KANSL1: variants seen among roughly 807,000 people sequenced by gnomAD.
KANSL1 encodes MLL1/MLL complex subunit KANSL1.
In KANSL1, 22 loss-of-function variants were observed where a neutral mutation model predicts 103.6. The observed-to-expected ratio is 0.21, with a 90% CI of 0.15 to 0.30. The LOEUF is 0.30. KANSL1 is among the 10% of genes least tolerant of loss of function. The pLI, the probability that KANSL1 is intolerant of heterozygous loss-of-function variation, is 1.00. For synonymous variants in KANSL1, 600 were observed against 527.6 expected (o/e 1.14, Z -1.88); for missense variants, 1,337 against 1,399.8 (o/e 0.96, Z 0.72).
intron 2 of KANSL1, among the ~76,000 whole-genome samples, chr17:46,158,901 C>A (rs2045581302): frequency 6.6e-6 from 1 of 152,218 alleles, no homozygotes; most frequent in Non-Finnish European, 1.5e-5. Context: ...AAAAAGATAC[C>A]CATCTGTTAC....
chr17:46,154,342 C>A (rs1597819585), intron 2 of KANSL1, among the ~76,000 whole-genome samples: 1 of 152,264 alleles, frequency 6.6e-6, no homozygotes. Context: ...AGAATTTCTA[C>A]TTGCAATGCT....
At chr17:46,185,863 CT>C (rs1352954364) in intron 1 of KANSL1, among the ~76,000 whole-genome samples, 6 of 151,902 alleles carry the variant, frequency 3.9e-5, no homozygotes, top group African/African-American at 7.3e-5. Context: ...CTCAAGAAAA[CT>C]TTTTTTTCTG....
chr17:46,033,216 T>TC (rs756512756), intron 12 of KANSL1, 24 bp from the exon 13 acceptor site: 1 of 1,549,602 alleles, frequency 6.5e-7, no homozygotes. Context: ...GCTTCATCGA[T>TC]CCCCTCTTTT....
chr17:46,031,965 A>C, intron 14 of KANSL1, 82 bp downstream of exon 14: 8 of 1,575,976 alleles, frequency 5.1e-6, no homozygotes, highest in Non-Finnish European at 7.0e-6. Flanking sequence ...GGGGATGGCT[A>C]GGTCCCTCTT....
At chr17:46,170,766 G>A (rs2046241215) in intron 2 of KANSL1, 89 bp downstream of exon 2, 1 of 1,383,176 alleles carries the variant, frequency 7.2e-7, no homozygotes, top group Non-Finnish European at 9.8e-7. Context: ...TATGTACAAA[G>A]AATCACATTC....
intron 1 of KANSL1, chr17:46,222,370 C>T (rs1748445724): frequency 6.6e-6 from 1 of 150,888 alleles, no homozygotes; most frequent in Admixed American, 6.7e-5. Flanking sequence ...TCTCAATCCC[C>T]TTGCCTGCTT....
chr17:46,089,168 A>C (rs1019847801), intron 3 of KANSL1, among the ~76,000 whole-genome samples: 1 of 152,216 alleles, frequency 6.6e-6, no homozygotes, highest in African/African-American at 2.4e-5. Context: ...TAAAGCATGG[A>C]AGAGTTTCTT....
At chr17:46,073,426 C>G (rs1468522814) in intron 4 of KANSL1, among the ~76,000 whole-genome samples, 1 of 151,942 alleles carries the variant, frequency 6.6e-6, no homozygotes, top group East Asian at 1.9e-4. Flanking sequence ...AACGTCAAAT[C>G]TAGTATTTTA....
intron 4 of KANSL1, among the ~76,000 whole-genome samples, chr17:46,073,790 T>G (rs12150558): frequency 6.6e-6 from 1 of 152,094 alleles, no homozygotes; most frequent in Non-Finnish European, 1.5e-5. Context: ...TTTGACTGCA[T>G]AACAGTTAAC....
chr17:46,066,143 C>T (rs1250420508), intron 6 of KANSL1, among the ~76,000 whole-genome samples: 1 of 152,206 alleles, frequency 6.6e-6, no homozygotes. Context: ...CAGGCATGAG[C>T]CACTGCACAT....
rs190142867 is a variant in KANSL1 at position 46,032,308 on chromosome 17, C to A, written c.2838-9G>T. 72 of 1,497,372 alleles carry A rather than the reference C, an allele frequency of 4.8e-5. 1 individual carries two copies. In the East Asian group the frequency reaches 1.6e-3, roughly 34 times the overall value. 92.8% of individuals were successfully genotyped at this position (1,497,372 alleles called of 1,614,324 possible). On this transcript the variant is annotated splice_polypyrimidine_tract_variant and intron_variant, in intron 13 of 14. Transcript: ENST00000432791. The stretch of plus-strand genomic sequence containing the variant: ...CTGATGACCTGTAGGACCTGCACAC[C>A]AAGGAATGCAAATCTGAGTGCCTGG...
chr17:46,185,344 T>C (rs959852533), intron 1 of KANSL1, among the ~76,000 whole-genome samples: 1 of 152,208 alleles, frequency 6.6e-6, no homozygotes, highest in Non-Finnish European at 1.5e-5. Context: ...TAGGATAGGC[T>C]TCACCCACTA....
At chr17:46,141,469 A>G (rs1307643315) in intron 2 of KANSL1, among the ~76,000 whole-genome samples, 5 of 152,264 alleles carry the variant, frequency 3.3e-5, no homozygotes, top group Non-Finnish European at 7.3e-5. Context: ...AGGGTCTAAG[A>G]CAAATAAATT....
intron 6 of KANSL1, among the ~76,000 whole-genome samples, chr17:46,063,080 A>G (rs1271538773): frequency 1.3e-5 from 2 of 152,148 alleles, no homozygotes; most frequent in African/African-American, 2.4e-5. Context: ...CAAAACCTCA[A>G]TGAGTTCCCT....
At chr17:46,187,410 G>A (rs2047083817) in intron 1 of KANSL1, among the ~76,000 whole-genome samples, 1 of 152,196 alleles carries the variant, frequency 6.6e-6, no homozygotes, top group East Asian at 1.9e-4. Flanking sequence ...AAAATTCAGA[G>A]TAAGATCTCA....
chr17:46,100,697 A>G (rs2042275510), intron 2 of KANSL1, among the ~76,000 whole-genome samples: 1 of 152,248 alleles, frequency 6.6e-6, no homozygotes, highest in Non-Finnish European at 1.5e-5. Context: ...CATGTTGACT[A>G]CCAGGCCTAG....
intron 2 of KANSL1, among the ~76,000 whole-genome samples, chr17:46,145,606 A>G (rs2044655278): frequency 6.6e-6 from 1 of 152,266 alleles, no homozygotes; most frequent in South Asian, 2.1e-4. Context: ...TGAAACCAAA[A>G]AACCCAAAAA....
rs1037535333 is a variant in KANSL1, at chr17:46,031,887, C to T, written c.3090+160G>A. On this transcript the variant is annotated intron_variant, in intron 14 of 14. Coordinates refer to ENST00000432791, the MANE Select transcript of KANSL1 (RefSeq NM_015443.4). ...ACTGTATTGATCATTTAGCAGTGATCAATACAGTTCCACTGAACGTTGAGG... is the reference window on the plus strand; with the variant it reads ...ACTGTATTGATCATTTAGCAGTGATTAATACAGTTCCACTGAACGTTGAGG... 145 of 1,123,132 alleles carry T rather than the reference C, an allele frequency of 1.3e-4. 1 individual carries two copies. Among genetic ancestry groups the T allele is most frequent in the Admixed American group, 2.7e-4 (12 of 45,032 alleles). The allele number at this position is 1,123,132 out of a possible 1,614,324, so 69.6% of individuals were successfully genotyped here.
chr17:46,142,300 C>G (rs1443819351), intron 2 of KANSL1, among the ~76,000 whole-genome samples: 1 of 152,182 alleles, frequency 6.6e-6, no homozygotes, highest in Non-Finnish European at 1.5e-5. Flanking sequence ...GGATAAATAT[C>G]TCTGCTTCAA....
Sources: gnomAD v4.1 joint callset for allele counts (sites outside exome capture counted in the v4.1 genomes callset) on GRCh38, gnomAD v4.1.1 for gene constraint, MANE v1.5 for transcripts, NCBI Gene and HGNC (gene_info 2026-07-23, HGNC 2026-07-21) for gene names.